The following PHLPP1 variants were observed in gnomAD, a reference collection of about 807,000 sequenced individuals.
PHLPP1 encodes the protein PH domain and leucine rich repeat protein phosphatase 1.
In PHLPP1, 42 loss-of-function variants were observed where a neutral mutation model predicts 117.2. The ratio of observed to expected loss-of-function variants is 0.36; its 90% CI spans 0.28 to 0.46. The LOEUF (loss-of-function observed/expected upper bound fraction) is 0.46, where lower values mean the gene tolerates loss of function less well. Among genes scored for constraint, PHLPP1 ranks in the 20% least tolerant of loss-of-function variants. PHLPP1 has a pLI of 1.00. For missense variants in PHLPP1, 2,084 were observed against 2,241.9 expected (o/e 0.93, Z 1.42); for synonymous variants, 1,042 against 970.7 (o/e 1.07, Z -1.37).
chr18:62,864,164 G>A (rs1915709362), intron 4 of PHLPP1, among the ~76,000 whole-genome samples: 1 of 151,964 alleles, frequency 6.6e-6, no homozygotes, highest in Non-Finnish European at 1.5e-5. Context: ...TGGGACTATA[G>A]GCGCCCGCCA....
intron 12 of PHLPP1, among the ~76,000 whole-genome samples, chr18:62,956,328 G>A (rs774008499): frequency 2.0e-5 from 3 of 152,162 alleles, no homozygotes; most frequent in Non-Finnish European, 4.4e-5. Context: ...TGCAAAGAGT[G>A]AACAAGCTGA....
chr18:62,785,913 C>G (rs557754956), intron 1 of PHLPP1, among the ~76,000 whole-genome samples: 1 of 152,284 alleles, frequency 6.6e-6, no homozygotes, highest in East Asian at 1.9e-4. Flanking sequence ...AGTGCTTAAT[C>G]AATAACTGTA....
At chr18:62,970,778 A>T (rs965878935) in intron 14 of PHLPP1, among the ~76,000 whole-genome samples, 1 of 152,114 alleles carries the variant, frequency 6.6e-6, no homozygotes, top group African/African-American at 2.4e-5. Flanking sequence ...AAAAAATGAA[A>T]CAAAAAATGA....
chr18:62,774,848 C>T (rs1006148075), intron 1 of PHLPP1, among the ~76,000 whole-genome samples: 1 of 151,154 alleles, frequency 6.6e-6, no homozygotes, highest in Non-Finnish European at 1.5e-5. Context: ...AACAAAAATA[C>T]CTCTAAAAAA....
At chr18:62,862,625 G>A (rs1035198875) in intron 4 of PHLPP1, among the ~76,000 whole-genome samples, 2 of 152,094 alleles carry the variant, frequency 1.3e-5, no homozygotes, top group Non-Finnish European at 2.9e-5. Flanking sequence ...TAAAAATGGG[G>A]TTCTCTATAA....
intron 10 of PHLPP1, among the ~76,000 whole-genome samples, chr18:62,935,978 G>C (rs1453666433): frequency 6.6e-6 from 1 of 152,138 alleles, no homozygotes; most frequent in Non-Finnish European, 1.5e-5. Flanking sequence ...ACTCCAGCTT[G>C]GGCAACAGAG....
chr18:62,895,667 CG>C, intron 5 of PHLPP1, 113 bp from the exon 6 acceptor site: 8 of 696,250 alleles, frequency 1.1e-5, no homozygotes, highest in Non-Finnish European at 1.7e-5. Context: ...AGGCATTTTG[CG>C]AAGAATAATA....
Position 62,736,850 on chromosome 18 carries a change from A to AT in PHLPP1, c.1576+19593dup, listed in dbSNP as rs2122067548. Among the ~76,000 whole-genome samples, 2 of 152,298 alleles carry AT rather than the reference A, an allele frequency of 1.3e-5. 1 individual carries two copies. Among genetic ancestry groups the AT allele is most frequent in the African/African-American group, 4.8e-5 (2 of 41,572 alleles). The stretch of plus-strand genomic sequence containing the variant: ...GTAACTCTCAGGAAGTGATATAGAC[A>AT]TTATTTATTTACTTGGTTTTCTTCT... On this transcript the variant is annotated intron_variant, in intron 1 of 16. Coordinates refer to ENST00000262719, the MANE Select transcript of PHLPP1 (RefSeq NM_194449.4).
At chr18:62,945,050 C>A in intron 11 of PHLPP1, 59 bp from the exon 12 acceptor site, 2 of 1,241,754 alleles carry the variant, frequency 1.6e-6, no homozygotes, top group East Asian at 2.7e-5. Context: ...TTTAATTCAT[C>A]CTTTGATTCT....
intron 4 of PHLPP1, among the ~76,000 whole-genome samples, chr18:62,870,680 A>G (rs545036936): frequency 6.6e-6 from 1 of 152,352 alleles, no homozygotes; most frequent in South Asian, 2.1e-4. Flanking sequence ...GAGACATTTT[A>G]TCTTAAGCAC....
intron 1 of PHLPP1, among the ~76,000 whole-genome samples, chr18:62,739,628 A>T (rs917934566): frequency 3.3e-5 from 5 of 152,170 alleles, no homozygotes; most frequent in African/African-American, 9.7e-5. Context: ...GCTAAGGATG[A>T]TGGATGAACA....
intron 2 of PHLPP1, among the ~76,000 whole-genome samples, chr18:62,834,172 A>G (rs1914828525): frequency 6.6e-6 from 1 of 151,860 alleles, no homozygotes; most frequent in Non-Finnish European, 1.5e-5. Flanking sequence ...TGGCTCTTTT[A>G]TACTTCCCTT....
At chr18:62,826,089 A>T (rs1286931311) in intron 1 of PHLPP1, among the ~76,000 whole-genome samples, 2 of 151,996 alleles carry the variant, frequency 1.3e-5, no homozygotes, top group African/African-American at 4.8e-5. Flanking sequence ...CTTTATTCTC[A>T]TGGTTATGGT....
intron 6 of PHLPP1, among the ~76,000 whole-genome samples, chr18:62,899,964 C>T (rs1916669953): frequency 6.6e-6 from 1 of 152,166 alleles, no homozygotes; most frequent in Admixed American, 6.5e-5. Context: ...GTAACCACGC[C>T]TGGCCAGAAG....
At chr18:62,968,380 G>T (rs1218626711) in intron 14 of PHLPP1, among the ~76,000 whole-genome samples, 1 of 151,406 alleles carries the variant, frequency 6.6e-6, no homozygotes, top group Admixed American at 6.6e-5. Context: ...TCTGTTCTGG[G>T]TTTTTTTTAA....
intron 1 of PHLPP1, among the ~76,000 whole-genome samples, chr18:62,803,522 G>A (rs1053586839): frequency 6.6e-6 from 1 of 152,124 alleles, no homozygotes; most frequent in African/African-American, 2.4e-5. Context: ...CCATCATTTT[G>A]CATGTAGGAG....
Position 62,958,647 on chromosome 18 carries a change from A to G in PHLPP1, c.3343A>G (p.Asn1115Asp). ...TTTTCAGTGTGTGGACCTGAGCTGT[A>G]ATGAGCTAAGTGAAGTCACATTACC... ...PEIKCVDLSCNELSEVTLPEN... is the reference protein window; with the variant it reads ...PEIKCVDLSCDELSEVTLPEN... The change falls in exon 13 of 17, where the codon AAT (asparagine) becomes GAT (aspartate). Residue 1115 changes from asparagine (N) to aspartate (D), a missense_variant. This residue lies in a region of PHLPP1 where 1,365 missense variants were observed against 1,605.9 expected (regional missense o/e 0.85). Transcript: ENST00000262719. 1 of 1,613,900 alleles carries G rather than the reference A, an allele frequency of 6.2e-7. No individual in the cohort carries two copies. The highest frequency in any genetic ancestry group is 8.5e-7 in the Non-Finnish European group (1 of 1,179,840).
At chr18:62,939,099 TG>T (rs1739468309) in intron 10 of PHLPP1, among the ~76,000 whole-genome samples, 1 of 151,048 alleles carries the variant, frequency 6.6e-6, no homozygotes, top group Admixed American at 6.6e-5. Context: ...CAAGTGATTC[TG>T]CTGCCTCACC....
intron 4 of PHLPP1, among the ~76,000 whole-genome samples, chr18:62,892,524 C>T (rs1916452993): frequency 6.6e-6 from 1 of 152,030 alleles, no homozygotes; most frequent in South Asian, 2.1e-4. Flanking sequence ...ATGAGAGTGA[C>T]AGTTAGGTGT....
Sources: gnomAD v4.1 joint callset for allele counts (sites outside exome capture counted in the v4.1 genomes callset) on GRCh38, gnomAD v4.1.1 for gene constraint, gnomAD v4.1.1 regional missense constraint, MANE v1.5 for transcripts, NCBI Gene and HGNC (gene_info 2026-07-23, HGNC 2026-07-21) for gene names.